The following PRKCE variants were observed in gnomAD, a reference collection of about 807,000 sequenced individuals.
PRKCE encodes protein kinase C epsilon type.
Under a neutral mutation model 85.4 loss-of-function variants are expected in PRKCE, and 16 were observed. The observed-to-expected ratio is 0.19, with a 90% confidence interval of 0.13 to 0.28. The LOEUF is 0.28. Among genes scored for constraint, PRKCE ranks in the 10% least tolerant of loss-of-function variants. PRKCE has a pLI of 1.00. For missense variants in PRKCE, 573 were observed against 975.2 expected (o/e 0.59, Z 5.49); for synonymous variants, 388 against 371.5 (o/e 1.04, Z -0.51).
intron 1 of PRKCE, among the ~76,000 whole-genome samples, chr2:45,832,210 C>A (rs1690484349): frequency 6.6e-6 from 1 of 152,198 alleles, no homozygotes; most frequent in Admixed American, 6.5e-5. Context: ...ATTGTCTGAG[C>A]CTCTCGGCTA....
At chr2:45,985,075 C>T (rs1349878875) in intron 6 of PRKCE, among the ~76,000 whole-genome samples, 1 of 152,156 alleles carries the variant, frequency 6.6e-6, no homozygotes. Context: ...TGGTCCATGG[C>T]TCAGTGCTTA....
At chr2:45,744,832 C>T (rs191024957) in intron 1 of PRKCE, among the ~76,000 whole-genome samples, 4 of 152,274 alleles carry the variant, frequency 2.6e-5, no homozygotes, top group African/African-American at 9.6e-5. Context: ...TGATCTCAAA[C>T]TCCTGGCCTC....
Position 46,039,331 on chromosome 2 carries a change from G to T in PRKCE, c.1437+28814G>T, listed in dbSNP as rs372257372. ...ACATCTTCCTCCAGTGAGAGCATTC[G>T]TTCCAGGGAGCTTGGAAGCCAGCTG... On this transcript the variant is annotated intron_variant, in intron 10 of 14. Coordinates refer to ENST00000306156, the MANE Select transcript of PRKCE (RefSeq NM_005400.3). Among the ~76,000 whole-genome samples, 4 of 152,188 alleles carry T rather than the reference G, an allele frequency of 2.6e-5. No homozygotes were observed. In the South Asian group the frequency reaches 8.3e-4, roughly 32 times the overall value.
intron 1 of PRKCE, among the ~76,000 whole-genome samples, chr2:45,695,397 GTTAGA>G: frequency 6.6e-6 from 1 of 152,244 alleles, no homozygotes; most frequent in East Asian, 1.9e-4. Flanking sequence ...TGGTGTATGT[GTTAGA>G]TAAATGTACC....
intron 1 of PRKCE, among the ~76,000 whole-genome samples, chr2:45,678,111 A>G (rs1183640092): frequency 6.6e-6 from 1 of 152,122 alleles, no homozygotes; most frequent in East Asian, 1.9e-4. Flanking sequence ...TTTCTCACCA[A>G]TTTCTTTTTG....
At chr2:45,766,213 C>T (rs1558648301) in intron 1 of PRKCE, among the ~76,000 whole-genome samples, 1 of 152,156 alleles carries the variant, frequency 6.6e-6, no homozygotes, top group Non-Finnish European at 1.5e-5. Flanking sequence ...GTTTCCTGCT[C>T]ATCCAAAATT....
chr2:45,656,688 C>T (rs891995727), intron 1 of PRKCE, among the ~76,000 whole-genome samples: 2 of 152,146 alleles, frequency 1.3e-5, no homozygotes, highest in Non-Finnish European at 2.9e-5. Flanking sequence ...TCTGGCCCAA[C>T]CTTGAGAGCT....
intron 1 of PRKCE, among the ~76,000 whole-genome samples, chr2:45,741,540 C>G (rs988685314): frequency 6.6e-6 from 1 of 152,242 alleles, no homozygotes; most frequent in Non-Finnish European, 1.5e-5. Flanking sequence ...GGAACGAGGT[C>G]TGTTCTCCAC....
chr2:45,821,505 T>G (rs1430998455), intron 1 of PRKCE, among the ~76,000 whole-genome samples: 1 of 152,126 alleles, frequency 6.6e-6, no homozygotes, highest in African/African-American at 2.4e-5. Context: ...GACAACCCAG[T>G]TGACCCTCAA....
At chr2:45,911,485 C>T (rs1697378953) in intron 2 of PRKCE, among the ~76,000 whole-genome samples, 1 of 152,216 alleles carries the variant, frequency 6.6e-6, no homozygotes, top group Non-Finnish European at 1.5e-5. Flanking sequence ...GGAGGCCATA[C>T]CTCTGGGCTA....
At chr2:45,842,676 G>A (rs1486855265) in intron 1 of PRKCE, among the ~76,000 whole-genome samples, 2 of 152,138 alleles carry the variant, frequency 1.3e-5, no homozygotes, top group African/African-American at 4.8e-5. Flanking sequence ...ATGTTTAATG[G>A]TATCTCTGGC....
chr2:46,107,864 A>G (rs1393484638), intron 11 of PRKCE, among the ~76,000 whole-genome samples: 2 of 152,192 alleles, frequency 1.3e-5, no homozygotes. Flanking sequence ...ATATCTGTAA[A>G]GGTATCCTTA....
chr2:46,073,500 C>T (rs1321224124), intron 10 of PRKCE: 2 of 152,278 alleles, frequency 1.3e-5, no homozygotes, highest in Non-Finnish European at 2.9e-5. Flanking sequence ...TTGCACTTCC[C>T]TCAGCTGCTT....
chr2:46,020,235 GT>G (rs1330039853), intron 10 of PRKCE, among the ~76,000 whole-genome samples: 1 of 152,040 alleles, frequency 6.6e-6, no homozygotes, highest in Non-Finnish European at 1.5e-5. Context: ...CACAGACCCA[GT>G]ATGCGCTATT....
chr2:45,947,979 G>A (rs369580055), intron 2 of PRKCE, among the ~76,000 whole-genome samples: 1 of 152,198 alleles, frequency 6.6e-6, no homozygotes, highest in African/African-American at 2.4e-5. Context: ...TTTTTGTACA[G>A]TAATAAGACT....
intron 2 of PRKCE, among the ~76,000 whole-genome samples, chr2:45,874,146 A>G (rs1694297826): frequency 6.6e-6 from 1 of 152,212 alleles, no homozygotes; most frequent in Admixed American, 6.5e-5. Flanking sequence ...CCATGTAGGT[A>G]ACTTTCTACT....
chr2:45,895,949 G>A lies in PRKCE; in HGVS notation c.412+52886G>A, dbSNP rs1696105211. ...CCGTGTGACACTGTCCACGAGGAAGGCCTCAGATGAAGGAGGGCACTTCAG... is the reference window on the plus strand; with the variant it reads ...CCGTGTGACACTGTCCACGAGGAAGACCTCAGATGAAGGAGGGCACTTCAG... On this transcript the variant is annotated intron_variant, in intron 2 of 14. Transcript: ENST00000306156. This position sits in a 1 kb window ranked among gnomAD's most constrained non-coding sequence, Gnocchi z 4.8. Among the ~76,000 whole-genome samples the A allele has an allele frequency of 1.3e-5, 2 of 152,214 alleles. No individual in the cohort carries two copies. The highest frequency in any genetic ancestry group is 1.3e-4 in the Admixed American group (2 of 15,284).
intron 1 of PRKCE, chr2:45,674,746 G>A (rs1030250811): frequency 4.6e-5 from 7 of 152,268 alleles, no homozygotes; most frequent in Non-Finnish European, 1.0e-4. Flanking sequence ...AAGAGAAGAT[G>A]CTTCCTGAAA....
chr2:45,756,516 T>C (rs1684018149), intron 1 of PRKCE, among the ~76,000 whole-genome samples: 1 of 152,214 alleles, frequency 6.6e-6, no homozygotes, highest in Admixed American at 6.5e-5. Flanking sequence ...ATGAAAGCAT[T>C]TGTCCATTCA....
Sources: gnomAD v4.1 joint callset for allele counts (sites outside exome capture counted in the v4.1 genomes callset) on GRCh38, gnomAD v4.1.1 for gene constraint, Gnocchi (gnomAD v3.1) non-coding constraint, MANE v1.5 for transcripts, NCBI Gene and HGNC (gene_info 2026-07-23, HGNC 2026-07-21) for gene names.